SH2B1: variants seen among roughly 807,000 people sequenced by gnomAD.
SH2B1 encodes the protein SH2B adapter protein 1.
A neutral mutation model predicts 62.6 loss-of-function variants in SH2B1; 15 were observed. That is an observed-to-expected ratio of 0.24 (90% CI 0.16 to 0.37). SH2B1 has a LOEUF of 0.37. Ranked by LOEUF, SH2B1 falls within the 10% of genes least tolerant of loss-of-function variation. The pLI, the probability that SH2B1 is intolerant of heterozygous loss-of-function variation, is 1.00. For missense variants in SH2B1, 925 were observed against 1,015.6 expected (o/e 0.91, Z 1.21); for synonymous variants, 443 against 438.0 (o/e 1.01, Z -0.14).
At chr16:28,867,284 G>A in intron 1 of SH2B1, 47 bp from the exon 2 acceptor site, 2 of 1,474,812 alleles carry the variant, frequency 1.4e-6, no homozygotes, top group Non-Finnish European at 1.9e-6. Context: ...GGGAAGAGTG[G>A]TCTTTGGAAA....
At position 28,866,438 on chromosome 16, in the gene SH2B1, G is replaced by T; in HGVS notation, c.344G>T (p.Gly115Val). ...DLSLESCRVGGPLAVLGPSRS... is the reference protein window; with the variant it reads ...DLSLESCRVGVPLAVLGPSRS... ...TCCCTTGAGAGCTGCAGGGTGGGTGGGCCCCTGGCTGTGCTGGGCCCTTCT... is the reference window on the plus strand; with the variant it reads ...TCCCTTGAGAGCTGCAGGGTGGGTGTGCCCCTGGCTGTGCTGGGCCCTTCT... Residue 115 changes from glycine to valine, a missense_variant, in exon 1 of 8, where the codon GGG (glycine) becomes GTG (valine). Gly to Val is a moderately radical substitution (Grantham distance 109). Around this residue, in one of 3 missense-constraint regions of SH2B1, gnomAD observed 683 missense variants for 704.0 expected, o/e 0.97. Transcript: ENST00000684370. This position sits in a 1 kb window ranked among gnomAD's most constrained non-coding sequence, Gnocchi z 6.3. 1 of 1,613,948 alleles carries T rather than the reference G, an allele frequency of 6.2e-7. No individual in the cohort carries two copies. Among genetic ancestry groups the T allele is most frequent in the Non-Finnish European group, 8.5e-7 (1 of 1,180,024 alleles).
chr16:28,867,455 G>A (rs772127866), intron 2 of SH2B1, 23 bp downstream of exon 2: 81 of 1,559,190 alleles, frequency 5.2e-5, no homozygotes, highest in Non-Finnish European at 6.0e-5. Context: ...CTTCCCAGCC[G>A]CCGGCAGTGC....
upstream of SH2B1, chr16:28,863,602 T>A (rs1962524650): frequency 7.2e-7 from 1 of 1,383,132 alleles, no homozygotes; most frequent in Admixed American, 2.1e-5. Context: ...TGTCCCGAAT[T>A]TCCTCCGGGA....
chr16:28,863,630 C>T (rs1962525677), upstream of SH2B1: 1 of 1,505,364 alleles, frequency 6.6e-7, no homozygotes, highest in Non-Finnish European at 8.9e-7. Context: ...CTGGTGGGAT[C>T]CAAGCACTTC....
rs529674730 is a variant in SH2B1 at position 28,871,108 on chromosome 16, C to G, written c.1310-672C>G. Among the ~76,000 whole-genome samples the G allele has an allele frequency of 2.0e-5, 3 of 152,160 alleles. No individual in the cohort carries two copies. In the South Asian group the frequency reaches 6.2e-4, roughly 32 times the overall value. Reference sequence around the variant, plus strand: ...TCTCGGCTCACTGCAACCTCTGCCTCCCGGGTTCAAGCAATTCTTCTGCCT... The same window carrying G: ...TCTCGGCTCACTGCAACCTCTGCCTGCCGGGTTCAAGCAATTCTTCTGCCT... On this transcript the variant is annotated intron_variant, in intron 4 of 7. Coordinates refer to ENST00000684370, the MANE Select transcript of SH2B1 (RefSeq NM_001387430.1).
At chr16:28,855,193 T>C (rs560065635) in intron 1 of SH2B1, among the ~76,000 whole-genome samples, 3 of 151,478 alleles carry the variant, frequency 2.0e-5, no homozygotes, top group African/African-American at 7.3e-5. Context: ...GGCCCCCCAC[T>C]TTCGTTTTGC....
At chr16:28,856,591 G>A (rs1264954085) in intron 1 of SH2B1, among the ~76,000 whole-genome samples, 2 of 152,106 alleles carry the variant, frequency 1.3e-5, no homozygotes, top group Non-Finnish European at 2.9e-5. Context: ...ATGGAAATGA[G>A]TACTGGGCTA....
Position 28,865,111 on chromosome 16 carries a change from G to T in SH2B1, c.-984G>T. ...ACCTGCCTTTAGGGCATACTCCCCA[G>T]TGGGAGAAGAGGAAGGTGAAAAATC... On this transcript the variant is annotated 5_prime_UTR_variant, in exon 1 of 8. Transcript: ENST00000684370. 1 of 985,606 alleles carries T rather than the reference G, an allele frequency of 1.0e-6. No homozygotes were observed. Among genetic ancestry groups the T allele is most frequent in the Non-Finnish European group, 1.2e-6 (1 of 829,972 alleles). The allele number at this position is 985,606 out of a possible 1,614,324, so 61.1% of individuals were successfully genotyped here.
At position 28,865,292 on chromosome 16, in the gene SH2B1, T is replaced by TCACG. The variant is rs941794891; in HGVS notation, c.-800_-797dup. 2.0e-6 allele frequency: 2 copies of TCACG among 985,582 alleles called. No individual in the cohort carries two copies. The highest frequency in any genetic ancestry group is 1.2e-4 in the Admixed American group (2 of 16,276). The allele number at this position is 985,582 out of a possible 1,614,324, so 61.1% of individuals were successfully genotyped here. ...GGGCTGTAGCTATTTCACATCTCCT[T>TCACG]CACGCAGTGCGTGGGTGCTGGACTC... On this transcript the variant is annotated 5_prime_UTR_variant, in exon 1 of 8. Transcript: ENST00000684370.
chr16:28,873,814 C>G lies in SH2B1; in HGVS notation c.2265C>G (p.Phe755Leu). ...HPRAINNQYS[F>L]V ...GGGCCATTAACAACCAGTACTCCTT[C>G]GTGTGAGCCAACCCCACCCGCTCCA... Residue 755 changes from phenylalanine (F) to leucine (L), a missense_variant, in exon 8 of 8, where the codon TTC becomes TTG. Phe to Leu is a conservative substitution (Grantham distance 22). This residue lies in a region of SH2B1 where 185 missense variants were observed against 189.5 expected (regional missense o/e 0.98). Transcript: ENST00000684370. The surrounding 1 kb of genome is among the most constrained non-coding windows in gnomAD (Gnocchi z 4.2). 1 of 1,439,272 alleles carries G rather than the reference C, an allele frequency of 6.9e-7. No individual in the cohort carries two copies. Among genetic ancestry groups the G allele is most frequent in the South Asian group, 1.5e-5 (1 of 66,146 alleles). The allele number at this position is 1,439,272 out of a possible 1,614,324, so 89.2% of individuals were successfully genotyped here. A position where few individuals can be genotyped will look rare whatever the true frequency, so the allele number is the denominator to read the frequency against.
Position 28,871,820 on chromosome 16 carries a change from C to T in SH2B1, c.1350C>T (p.Ile450=). Residue 450 remains isoleucine, a synonymous_variant, in exon 5 of 8, where the codon ATC becomes ATT. Coordinates refer to ENST00000684370, the MANE Select transcript of SH2B1 (RefSeq NM_001387430.1). ...GGLSDRPSAS[I]SPSSASIAAS... is the part of the protein sequence containing the mutation. ...TCTCAGACCGCCCCTCGGCATCCAT[C>T]TCCCCCAGCTCTGCCTCCATTGCCG... The T allele has an allele frequency of 6.2e-7, 1 of 1,614,122 alleles. No homozygotes were observed. Among genetic ancestry groups the T allele is most frequent in the Non-Finnish European group, 8.5e-7 (1 of 1,179,996 alleles).
rs751235771 is a variant in SH2B1 at position 28,866,399 on chromosome 16, C to T, written c.305C>T (p.Ser102Leu). The T allele has an allele frequency of 7.4e-6, 12 of 1,613,812 alleles. No individual in the cohort carries two copies. The highest frequency in any genetic ancestry group is 3.3e-5 in the South Asian group (3 of 91,078). The part of the protein sequence containing the change: ...LAPLSPGAEI[S>L]PHDLSLESCR... ...CCCCTGAGCCCTGGTGCGGAGATTT[C>T]GCCACATGACCTGTCCCTTGAGAGC... The change falls in exon 1 of 8, where the codon TCG (serine) becomes TTG (leucine). Residue 102 changes from serine to leucine, a missense_variant. Ser to Leu is a moderately radical substitution (Grantham distance 145). Around this residue, in one of 3 missense-constraint regions of SH2B1, gnomAD observed 683 missense variants for 704.0 expected, o/e 0.97. Coordinates refer to ENST00000684370, the MANE Select transcript of SH2B1 (RefSeq NM_001387430.1). The surrounding 1 kb of genome is among the most constrained non-coding windows in gnomAD (Gnocchi z 6.3).
intron 1 of SH2B1, among the ~76,000 whole-genome samples, chr16:28,852,482 A>ATATATATTTACATATATATT (rs1962154457): frequency 1.8e-5 from 1 of 54,498 alleles, no homozygotes; most frequent in African/African-American, 9.5e-5. Context: ...ATATATATTT[A>ATATATATTTACATATATATT]TATATACATA....
At chr16:28,853,728 G>A (rs982109154) in intron 1 of SH2B1, among the ~76,000 whole-genome samples, 2 of 151,272 alleles carry the variant, frequency 1.3e-5, no homozygotes, top group Admixed American at 6.6e-5. Context: ...AGCTGGGTGC[G>A]GTGGCTCATG....
chr16:28,872,703 A>G lies in SH2B1; in HGVS notation c.1895A>G (p.Gln632Arg). The G allele has an allele frequency of 6.2e-7, 1 of 1,614,106 alleles. No homozygotes were observed. The highest frequency in any genetic ancestry group is 8.5e-7 in the Non-Finnish European group (1 of 1,180,012). Residue 632 changes from glutamine (Q) to arginine (R), a missense_variant and splice_region_variant, in exon 7 of 8, where the codon CAG becomes CGG. Coordinates refer to ENST00000684370, the MANE Select transcript of SH2B1 (RefSeq NM_001387430.1). The surrounding 1 kb of genome is among the most constrained non-coding windows in gnomAD (Gnocchi z 5.3). ...TATGTCCCATCCTCCCAGCGACAGCAGGGTGAGCAGAGCAGGTCTGCAGGG... is the reference window on the plus strand; with the variant it reads ...TATGTCCCATCCTCCCAGCGACAGCGGGGTGAGCAGAGCAGGTCTGCAGGG... ...VSYVPSSQRQQEPTTSHDPPQ... is the reference protein window; with the variant it reads ...VSYVPSSQRQREPTTSHDPPQ...
At position 28,867,018 on chromosome 16, in the gene SH2B1, C is replaced by A. The variant is rs1050532578; in HGVS notation, c.924C>A (p.Phe308Leu). 4 of 1,599,616 alleles carry A rather than the reference C, an allele frequency of 2.5e-6. No individual in the cohort carries two copies. Among genetic ancestry groups the A allele is most frequent in the African/African-American group, 2.7e-5 (2 of 74,920 alleles). The change falls in exon 1 of 8, where the codon TTC (phenylalanine) becomes TTA (leucine). Residue 308 changes from phenylalanine to leucine, a missense_variant. Physicochemically the swap from Phe to Leu is conservative, Grantham distance 22. This residue lies in a region of SH2B1 where 683 missense variants were observed against 704.0 expected (regional missense o/e 0.97). Coordinates refer to ENST00000684370, the MANE Select transcript of SH2B1 (RefSeq NM_001387430.1). ...GAGGAGGAGGAAGTCGCCTGGAGTT[C>A]TTTGTACCACCCAAGGTGAGGCCCC... ...GEGGGGSRLEFFVPPKASRPR... is the reference protein window; with the variant it reads ...GEGGGGSRLELFVPPKASRPR...
intron 1 of SH2B1, among the ~76,000 whole-genome samples, chr16:28,857,405 T>C (rs1416376652): frequency 1.7e-5 from 1 of 60,314 alleles, no homozygotes; most frequent in East Asian, 4.3e-4. Flanking sequence ...TAATGGGGAG[T>C]GGGGGCGGGG....
chr16:28,851,316 A>G (rs1192933765), intron 1 of SH2B1, among the ~76,000 whole-genome samples: 1 of 151,798 alleles, frequency 6.6e-6, no homozygotes, highest in Non-Finnish European at 1.5e-5. Context: ...TGATTCTCCA[A>G]ATGGAATCCC....
Position 28,872,499 on chromosome 16 carries a change from T to A in SH2B1, c.1726-35T>A. On this transcript the variant is annotated intron_variant, in intron 6 of 7. Coordinates refer to ENST00000684370, the MANE Select transcript of SH2B1 (RefSeq NM_001387430.1). This position sits in a 1 kb window ranked among gnomAD's most constrained non-coding sequence, Gnocchi z 5.3. ...GGGGGTTTGTACCTGGCAGGGCCTT[T>A]GCCTCCTACCTCACCTCCCCCATCC... 1 of 1,591,278 alleles carries A rather than the reference T, an allele frequency of 6.3e-7. No homozygotes were observed. The highest frequency in any genetic ancestry group is 8.6e-7 in the Non-Finnish European group (1 of 1,166,060).
Sources: allele counts gnomAD v4.1 joint callset (sites outside exome capture counted in the v4.1 genomes callset), GRCh38; gene constraint gnomAD v4.1.1; regional missense constraint gnomAD v4.1.1; non-coding constraint Gnocchi (gnomAD v3.1); transcripts MANE v1.5; gene names NCBI Gene and HGNC (gene_info 2026-07-23, HGNC 2026-07-21).